TGFB2: variants seen among roughly 807,000 people sequenced by gnomAD.
TGFB2 encodes the protein transforming growth factor beta 2.
In TGFB2, 13 loss-of-function variants were observed where a neutral mutation model predicts 42.7. That is an observed-to-expected ratio of 0.30 (90% CI 0.20 to 0.48). TGFB2 has a LOEUF of 0.48. TGFB2 is among the 20% of genes least tolerant of loss of function. The pLI, the probability that TGFB2 is intolerant of heterozygous loss-of-function variation, is 0.99. For synonymous variants in TGFB2, 193 were observed against 193.6 expected (o/e 1.00, Z 0.03); for missense variants, 390 against 517.5 (o/e 0.75, Z 2.39).
rs775641389 is a variant in TGFB2 at position 218,434,318 on chromosome 1, C to T, written c.644-20C>T. On this transcript the variant is annotated intron_variant, in intron 3 of 6. Transcript: ENST00000366930. ...TATAGACACACATACAAATGACCTC[C>T]TTGACTTAATGTTTTCCAGACAGGA... 1 of 1,612,726 alleles carries T rather than the reference C, an allele frequency of 6.2e-7. No individual in the cohort carries two copies. Among genetic ancestry groups the T allele is most frequent in the Non-Finnish European group, 8.5e-7 (1 of 1,179,006 alleles).
chr1:218,371,783 G>A (rs1024707773), intron 1 of TGFB2, among the ~76,000 whole-genome samples: 1 of 152,214 alleles, frequency 6.6e-6, no homozygotes, highest in African/African-American at 2.4e-5. Flanking sequence ...TTGCCAGAAG[G>A]AGCATGGCTT....
intron 6 of TGFB2, among the ~76,000 whole-genome samples, chr1:218,440,299 C>A (rs1214544911): frequency 6.7e-6 from 1 of 149,980 alleles, no homozygotes; most frequent in South Asian, 2.1e-4. Context: ...ACTTTTATGT[C>A]ATTTCTAGCA....
chr1:218,362,439 A>G (rs1234480947), intron 1 of TGFB2, among the ~76,000 whole-genome samples: 2 of 152,104 alleles, frequency 1.3e-5, no homozygotes, highest in Non-Finnish European at 2.9e-5. Flanking sequence ...TAAATATATC[A>G]TCTCATTTCA....
intron 1 of TGFB2, among the ~76,000 whole-genome samples, chr1:218,368,427 G>A (rs911410384): frequency 5.3e-4 from 81 of 152,168 alleles, no homozygotes; most frequent in Admixed American, 5.0e-3. Context: ...ATGAGCCACC[G>A]TGCCCGGCCT....
intron 2 of TGFB2, among the ~76,000 whole-genome samples, chr1:218,409,684 A>T (rs564925000): frequency 6.6e-5 from 10 of 152,256 alleles, no homozygotes; most frequent in African/African-American, 2.2e-4. Flanking sequence ...AACAGATTTG[A>T]TGCTTAAATG....
At chr1:218,358,166 C>T (rs769607347) in intron 1 of TGFB2, among the ~76,000 whole-genome samples, 11 of 152,240 alleles carry the variant, frequency 7.2e-5, no homozygotes, top group African/African-American at 2.2e-4. Flanking sequence ...CTGAAATGAC[C>T]GCAAGTCCAC....
rs905478872 is a variant in TGFB2 at position 218,441,430 on chromosome 1, T to C, written c.*68T>C. 4 of 1,498,216 alleles carry C rather than the reference T, an allele frequency of 2.7e-6. No homozygotes were observed. The highest frequency in any genetic ancestry group is 3.6e-6 in the Non-Finnish European group (4 of 1,119,634). The allele number at this position is 1,498,216 out of a possible 1,614,324, so 92.8% of individuals were successfully genotyped here. On this transcript the variant is annotated 3_prime_UTR_variant, in exon 7 of 7. Transcript: ENST00000366930. ...ATAATGATGATGACGACGACAACGA[T>C]GATGCTTGTAACAAGAAAACATAAG...
intron 1 of TGFB2, among the ~76,000 whole-genome samples, chr1:218,381,246 G>GT (rs1254161258): frequency 6.1e-4 from 80 of 131,052 alleles, no homozygotes; most frequent in African/African-American, 1.2e-3. Flanking sequence ...GCACATTTTT[G>GT]TTTTTGTTTT....
intron 1 of TGFB2, among the ~76,000 whole-genome samples, chr1:218,358,929 A>G (rs1052803270): frequency 1.3e-5 from 2 of 152,200 alleles, no homozygotes; most frequent in Non-Finnish European, 2.9e-5. Context: ...AGATAAAGAA[A>G]CAATCACAGA....
intron 5 of TGFB2, among the ~76,000 whole-genome samples, chr1:218,436,631 A>G (rs1376772184): frequency 6.6e-6 from 1 of 152,192 alleles, no homozygotes; most frequent in Non-Finnish European, 1.5e-5. Flanking sequence ...AGCAAGAAGA[A>G]TTTATTTCCC....
chr1:218,372,328 A>G (rs1657599764), intron 1 of TGFB2, among the ~76,000 whole-genome samples: 2 of 152,148 alleles, frequency 1.3e-5, no homozygotes, highest in African/African-American at 4.8e-5. Flanking sequence ...AAATGGTCAG[A>G]CCATATTTTT....
intron 2 of TGFB2, among the ~76,000 whole-genome samples, chr1:218,409,718 AG>A (rs1291551008): frequency 6.6e-6 from 1 of 152,232 alleles, no homozygotes; most frequent in Non-Finnish European, 1.5e-5. Context: ...CTATTTGGAA[AG>A]CTCAGCTCTT....
chr1:218,384,407 A>C (rs1419622850), intron 1 of TGFB2, among the ~76,000 whole-genome samples: 1 of 152,244 alleles, frequency 6.6e-6, no homozygotes, highest in Non-Finnish European at 1.5e-5. Flanking sequence ...GATTATGTAT[A>C]ATAAGAGGCT....
At chr1:218,396,588 T>G (rs892751595) in intron 1 of TGFB2, among the ~76,000 whole-genome samples, 4 of 152,030 alleles carry the variant, frequency 2.6e-5, no homozygotes, top group Admixed American at 2.6e-4. Flanking sequence ...ATTTTTATAT[T>G]GAGTCAAACT....
intron 2 of TGFB2, among the ~76,000 whole-genome samples, chr1:218,424,191 C>T (rs1283086310): frequency 6.6e-6 from 1 of 152,210 alleles, no homozygotes; most frequent in East Asian, 1.9e-4. Context: ...AAGCCAGCAA[C>T]AGGTTCTGGT....
intron 1 of TGFB2, among the ~76,000 whole-genome samples, chr1:218,380,619 G>A (rs1253683763): frequency 6.6e-6 from 1 of 152,068 alleles, no homozygotes; most frequent in Non-Finnish European, 1.5e-5. Context: ...ACTGCACTCC[G>A]CCTGGGATGC....
At chr1:218,437,255 T>C in intron 5 of TGFB2, 88 bp from the exon 6 acceptor site, 1 of 1,287,358 alleles carries the variant, frequency 7.8e-7, no homozygotes, top group Non-Finnish European at 1.1e-6. Context: ...AATGAATCAT[T>C]TTTCTGGTTT....
chr1:218,418,814 A>G (rs1189569819), intron 2 of TGFB2, among the ~76,000 whole-genome samples: 2 of 152,190 alleles, frequency 1.3e-5, no homozygotes, highest in Non-Finnish European at 2.9e-5. Context: ...ATTCTGCTAC[A>G]CAAGCTCTCT....
chr1:218,412,408 T>C (rs1467327748), intron 2 of TGFB2, among the ~76,000 whole-genome samples: 1 of 152,158 alleles, frequency 6.6e-6, no homozygotes, highest in Non-Finnish European at 1.5e-5. Context: ...CAACAATATT[T>C]GTTGCAGAGA....
Sources: allele counts gnomAD v4.1 joint callset (sites outside exome capture counted in the v4.1 genomes callset), GRCh38; gene constraint gnomAD v4.1.1; transcripts MANE v1.5; gene names NCBI Gene and HGNC (gene_info 2026-07-23, HGNC 2026-07-21).